Variants in OPCML observed in about 807,000 individuals in gnomAD.
The protein encoded by OPCML is opioid binding protein/cell adhesion molecule like, also known as opioid-binding protein/cell adhesion molecule.
A neutral mutation model predicts 37.8 loss-of-function variants in OPCML; 13 were observed. The ratio of observed to expected loss-of-function variants is 0.34; its 90% confidence interval spans 0.22 to 0.55. The LOEUF is 0.55. OPCML is among the 20% of genes least tolerant of loss of function. OPCML has a pLI of 0.91. For synonymous variants in OPCML, 176 were observed against 168.8 expected (o/e 1.04, Z -0.33); for missense variants, 341 against 435.6 (o/e 0.78, Z 1.93).
At chr11:132,896,105 T>C (rs1943831911) in intron 2 of OPCML, among the ~76,000 whole-genome samples, 1 of 151,964 alleles carries the variant, frequency 6.6e-6, no homozygotes, top group South Asian at 2.1e-4. Flanking sequence ...TTTGATTGAG[T>C]GGTAAAACAT....
intron 1 of OPCML, among the ~76,000 whole-genome samples, chr11:132,961,026 G>A (rs910406317): frequency 6.6e-6 from 1 of 152,186 alleles, no homozygotes; most frequent in Non-Finnish European, 1.5e-5. Context: ...GAGCAAAGCT[G>A]CCGGATTCCG....
chr11:132,781,248 G>A (rs939146984), intron 2 of OPCML, among the ~76,000 whole-genome samples: 4 of 152,054 alleles, frequency 2.6e-5, no homozygotes, highest in Admixed American at 1.3e-4. Flanking sequence ...GCTGAGTGGG[G>A]CAAAGTGAGT....
chr11:133,507,683 G>A (rs932872738), intron 1 of OPCML, among the ~76,000 whole-genome samples: 9 of 152,266 alleles, frequency 5.9e-5, no homozygotes, highest in Middle Eastern at 3.4e-3. Context: ...AGTGGCTCAC[G>A]CTTGTAATCC....
rs192334259 is a variant in OPCML, at chr11:132,806,017, G to A, written c.146+136909C>T. Reference sequence around the variant, plus strand: ...AAACATAAAATAGACAATAGGAAGCGAGAATCAGAAAGTGTTGGGTGTGAA... The same window carrying A: ...AAACATAAAATAGACAATAGGAAGCAAGAATCAGAAAGTGTTGGGTGTGAA... On this transcript the variant is annotated intron_variant, in intron 2 of 7. Transcript: ENST00000524381. Among the ~76,000 whole-genome samples the A allele has an allele frequency of 1.2e-4, 19 of 152,182 alleles. No homozygotes were observed. The East Asian group carries it at 2.3e-3, about 19-fold the overall frequency.
intron 3 of OPCML, among the ~76,000 whole-genome samples, chr11:132,537,002 T>G (rs1042741510): frequency 3.3e-5 from 5 of 152,160 alleles, no homozygotes; most frequent in African/African-American, 1.2e-4. Context: ...GGATTGTAAA[T>G]CCCCAGGTCT....
chr11:132,734,928 G>A (rs992673577), intron 2 of OPCML, among the ~76,000 whole-genome samples: 3 of 152,154 alleles, frequency 2.0e-5, no homozygotes, highest in African/African-American at 7.2e-5. Flanking sequence ...TGAAAGAAAG[G>A]TGATTGTTAT....
chr11:132,579,169 T>C (rs1254247055), intron 3 of OPCML, among the ~76,000 whole-genome samples: 1 of 152,052 alleles, frequency 6.6e-6, no homozygotes, highest in Non-Finnish European at 1.5e-5. Context: ...ACATCATGGG[T>C]GCTAGCAAAG....
At chr11:133,235,818 T>C (rs1379173793) in intron 1 of OPCML, among the ~76,000 whole-genome samples, 1 of 152,226 alleles carries the variant, frequency 6.6e-6, no homozygotes, top group Non-Finnish European at 1.5e-5. Context: ...GTATCAGATC[T>C]GGATTCAGTT....
intron 4 of OPCML, among the ~76,000 whole-genome samples, chr11:132,477,793 C>T (rs535787468): frequency 2.6e-4 from 40 of 152,216 alleles, no homozygotes; most frequent in African/African-American, 8.7e-4. Context: ...TAATCATTGA[C>T]TTTAGGAAAG....
chr11:132,706,251 T>C (rs553960029), intron 2 of OPCML, among the ~76,000 whole-genome samples: 1 of 152,252 alleles, frequency 6.6e-6, no homozygotes, highest in South Asian at 2.1e-4. Context: ...TAAAACTAAA[T>C]TACTATATGC....
At chr11:132,545,492 T>G (rs2137396286) in intron 3 of OPCML, among the ~76,000 whole-genome samples, 1 of 152,360 alleles carries the variant, frequency 6.6e-6, no homozygotes, top group South Asian at 2.1e-4. Flanking sequence ...TCAAATTATT[T>G]AATTTAATCT....
intron 2 of OPCML, among the ~76,000 whole-genome samples, chr11:132,878,917 T>C (rs1943125233): frequency 6.6e-6 from 1 of 152,214 alleles, no homozygotes; most frequent in South Asian, 2.1e-4. Flanking sequence ...GTACTTCGTA[T>C]TTCATTTTGC....
intron 4 of OPCML, among the ~76,000 whole-genome samples, chr11:132,504,592 G>GCAGGCTC (rs1345324436): frequency 6.6e-6 from 1 of 151,920 alleles, no homozygotes; most frequent in Non-Finnish European, 1.5e-5. Context: ...CAGGCGGCTT[G>GCAGGCTC]CAGGCTCCAG....
intron 3 of OPCML, among the ~76,000 whole-genome samples, chr11:132,622,035 T>G (rs1186164148): frequency 6.6e-6 from 1 of 152,074 alleles, no homozygotes; most frequent in Non-Finnish European, 1.5e-5. Flanking sequence ...ATTAAAATAA[T>G]TGATTATAAA....
intron 3 of OPCML, among the ~76,000 whole-genome samples, chr11:132,547,955 A>G (rs2096372586): frequency 6.6e-6 from 1 of 152,224 alleles, no homozygotes. Flanking sequence ...TGTAAAAATG[A>G]GAGCTTAGAC....
intron 4 of OPCML, among the ~76,000 whole-genome samples, chr11:132,495,466 C>T (rs1175069574): frequency 6.6e-6 from 1 of 152,130 alleles, no homozygotes. Context: ...AATATATGCC[C>T]ATCAGTTCCC....
chr11:132,628,443 T>C (rs1939878794), intron 3 of OPCML, among the ~76,000 whole-genome samples: 1 of 152,214 alleles, frequency 6.6e-6, no homozygotes, highest in African/African-American at 2.4e-5. Flanking sequence ...TGCTTTGGCA[T>C]CTGGGGTCTT....
At chr11:133,227,298 A>G (rs1017810810) in intron 1 of OPCML, among the ~76,000 whole-genome samples, 13 of 152,356 alleles carry the variant, frequency 8.5e-5, no homozygotes, top group African/African-American at 3.1e-4. Flanking sequence ...ATCTAAGCAC[A>G]TAAATCAGCT....
intron 1 of OPCML, among the ~76,000 whole-genome samples, chr11:132,960,260 G>A (rs1296481203): frequency 6.6e-6 from 1 of 152,166 alleles, no homozygotes; most frequent in Non-Finnish European, 1.5e-5. Flanking sequence ...GATAAGATTA[G>A]AATATCAAGA....
Sources: gnomAD v4.1 joint callset for allele counts (sites outside exome capture counted in the v4.1 genomes callset) on GRCh38, gnomAD v4.1.1 for gene constraint, MANE v1.5 for transcripts, NCBI Gene and HGNC (gene_info 2026-07-23, HGNC 2026-07-21) for gene names.